Variants in LARP7 observed in about 807,000 individuals in gnomAD.
LARP7 encodes La ribonucleoprotein 7, transcriptional regulator.
LARP7 carries 52 observed loss-of-function variants against 69.3 expected under a neutral mutation model. The observed-to-expected ratio is 0.75, with a 90% confidence interval of 0.60 to 0.95. The LOEUF (loss-of-function observed/expected upper bound fraction) is 0.95, where lower values mean the gene tolerates loss of function less well. LARP7 is among the 40% of genes least tolerant of loss of function. The pLI is 0.00. For synonymous variants in LARP7, 254 were observed against 215.9 expected, an observed-to-expected ratio of 1.18 and a Z score of -1.55; for missense variants, 733 against 673.0, an observed-to-expected ratio of 1.09 and a Z score of -0.99.
intron 1 of LARP7, among the ~76,000 whole-genome samples, chr4:112,642,782 A>G (rs78230454): frequency 0.086 from 13,084 of 152,276 alleles, 747 homozygotes; most frequent in East Asian, 0.23. Context: ...TATTTAGGAC[A>G]CTTTGACACG....
chr4:112,653,176 G>C lies in LARP7; in HGVS notation c.1516G>C (p.Val506Leu). ...RFKTPEDAQAVINAYTEINKK... is the reference protein window; with the variant it reads ...RFKTPEDAQALINAYTEINKK... ...TAAAACTCCTGAGGATGCTCAAGCA[G>C]TAATAAATGCCTATACAGAAATTAA... The change falls in exon 11 of 13, where the codon GTA becomes CTA. Residue 506 changes from valine (V) to leucine (L), a missense_variant. Val to Leu is a conservative substitution (Grantham distance 32). Coordinates refer to ENST00000344442, the MANE Select transcript of LARP7 (RefSeq NM_016648.4). 1.2e-6 allele frequency: 2 copies of C among 1,609,324 alleles called. No individual in the cohort carries two copies. The highest frequency in any genetic ancestry group is 1.7e-6 in the Non-Finnish European group (2 of 1,177,838).
At chr4:112,648,346 G>T (rs185886239) in intron 8 of LARP7, 6 of 533,550 alleles carry the variant, frequency 1.1e-5, no homozygotes, top group African/African-American at 5.8e-5. Context: ...AACAAAAGGT[G>T]TGCTGGCTTG....
Position 112,649,647 on chromosome 4 carries a change from A to C in LARP7, c.1255A>C (p.Ser419Arg). The change falls in exon 9 of 13, where the codon AGT (serine) becomes CGT (arginine). Residue 419 changes from serine to arginine, a missense_variant. Coordinates refer to ENST00000344442, the MANE Select transcript of LARP7 (RefSeq NM_016648.4). ...IKSESEMETD[S>R]GVPQNTGMKN... Reference sequence around the variant, plus strand: ...ATCAGAGTCAGAAATGGAAACAGACAGTGGAGTACCTCAAAACACTGGAAT... The same window carrying C: ...ATCAGAGTCAGAAATGGAAACAGACCGTGGAGTACCTCAAAACACTGGAAT... 1 of 1,608,034 alleles carries C rather than the reference A, an allele frequency of 6.2e-7. No homozygotes were observed. The highest frequency in any genetic ancestry group is 8.5e-7 in the Non-Finnish European group (1 of 1,177,378).
At chr4:112,645,561 A>G (rs1325021984) in intron 2 of LARP7, 2 of 456,068 alleles carry the variant, frequency 4.4e-6, no homozygotes, top group Non-Finnish European at 8.8e-6. Flanking sequence ...GCAGGAATGC[A>G]CTGGCTCCAT....
chr4:112,648,511 AC>A (rs770624774), intron 8 of LARP7: 2 of 534,376 alleles, frequency 3.7e-6, no homozygotes, highest in Non-Finnish European at 7.7e-6. Flanking sequence ...GGAAGCACTT[AC>A]TTTTAAAGTC....
intron 1 of LARP7, 129 bp from the exon 2 acceptor site, chr4:112,644,537 TTC>T: frequency 9.5e-7 from 1 of 1,057,576 alleles, no homozygotes; most frequent in Non-Finnish European, 1.3e-6. Flanking sequence ...TGAATGTTCT[TTC>T]TGTTTGTCTT....
At chr4:112,648,270 A>T (rs1442933894) in intron 8 of LARP7, 1 of 529,022 alleles carries the variant, frequency 1.9e-6, no homozygotes, top group Non-Finnish European at 3.9e-6. Context: ...GTCTTGGAAA[A>T]AGTTAGAATC....
rs1322464297 is a variant in LARP7 at position 112,649,687 on chromosome 4, G to T, written c.1294+1G>T. 6.3e-7 allele frequency: 1 copy of T among 1,582,264 alleles called. No individual in the cohort carries two copies. ...AACACTGGAATGAAAAATGAAAAAA[G>T]TAAAGATCACTGATAGTTTTGACAA... On this transcript the variant is annotated splice_donor_variant, in intron 9 of 12. Transcript: ENST00000344442. LOFTEE classifies it high-confidence loss of function.
chr4:112,646,511 C>G (rs1044150303), intron 3 of LARP7, 60 bp downstream of exon 3: 2 of 1,260,744 alleles, frequency 1.6e-6, no homozygotes, highest in African/African-American at 1.5e-5. Context: ...AGAATGTTAA[C>G]GTAATGATTA....
chr4:112,643,498 G>A (rs375016757), intron 1 of LARP7, among the ~76,000 whole-genome samples: 100 of 152,274 alleles, frequency 6.6e-4, no homozygotes, highest in African/African-American at 2.3e-3. Flanking sequence ...GAGGAAGGAG[G>A]GGGTTAGAAA....
intron 10 of LARP7, among the ~76,000 whole-genome samples, chr4:112,652,594 G>A (rs2048795676): frequency 6.6e-6 from 1 of 151,838 alleles, no homozygotes; most frequent in African/African-American, 2.4e-5. Context: ...TTTAGGTTTG[G>A]TTAAACTGTT....
At chr4:112,650,327 G>C (rs1578628004) in intron 9 of LARP7, 134 bp from the exon 10 acceptor site, 1 of 827,048 alleles carries the variant, frequency 1.2e-6, no homozygotes, top group East Asian at 2.8e-5. Flanking sequence ...ACCTTTAATT[G>C]TTTACTTTAA....
chr4:112,653,359 G>GA, intron 11 of LARP7, 123 bp downstream of exon 11: 1 of 669,710 alleles, frequency 1.5e-6, no homozygotes, highest in Non-Finnish European at 2.3e-6. Context: ...GCTCAGGCTG[G>GA]AGTACAGTGG....
intron 2 of LARP7, among the ~76,000 whole-genome samples, 177 bp from the exon 3 acceptor site, chr4:112,646,174 T>C (rs2048216751): frequency 6.6e-6 from 1 of 151,696 alleles, no homozygotes; most frequent in Admixed American, 6.6e-5. Context: ...AGATGGGGTT[T>C]CACTATGTTG....
In LARP7 at chr4:112,646,388, GA is replaced by G. The variant is rs1318486735; in HGVS notation, c.246del (p.Lys82AsnfsTer2). ...CACTACTTGTGTCTTTTAACAAAAT[GA>G]AAAAATTGACTACTGATGGGAAGTT... ...ISLLVSFNKM[K>X]KLTTDGKLIA... On this transcript the variant is annotated frameshift_variant, in exon 3 of 13. Transcript: ENST00000344442. LOFTEE classifies it high-confidence loss of function. 1.9e-6 allele frequency: 3 copies of G among 1,598,960 alleles called. No individual in the cohort carries two copies. Among genetic ancestry groups the G allele is most frequent in the Non-Finnish European group, 2.6e-6 (3 of 1,168,216 alleles).
At chr4:112,648,011 C>G (rs1357259368) in intron 8 of LARP7, 177 bp downstream of exon 8, 1 of 699,180 alleles carries the variant, frequency 1.4e-6, no homozygotes, top group Non-Finnish European at 2.7e-6. Context: ...CCACCACACT[C>G]AAACATGGAA....
intron 8 of LARP7, chr4:112,648,327 A>G: frequency 1.9e-6 from 1 of 529,452 alleles, no homozygotes; most frequent in South Asian, 1.4e-5. Flanking sequence ...AATAACAAAA[A>G]AATTTTGTAA....
Position 112,646,895 on chromosome 4 carries a change from T to C in LARP7, c.492T>C (p.Asp164=). Residue 164 remains aspartate, a synonymous_variant, in exon 5 of 13, where the codon GAT becomes GAC. Transcript: ENST00000344442. Reference sequence around the variant, plus strand: ...TACCACATTATAAGTCTACTGGAGATCCAAAGGGATTTGCGTTTGTGGAAT... The same window carrying C: ...TACCACATTATAAGTCTACTGGAGACCCAAAGGGATTTGCGTTTGTGGAAT... ...ISIPHYKSTG[D]PKGFAFVEFE... 6.2e-7 allele frequency: 1 copy of C among 1,609,638 alleles called. No homozygotes were observed. Among genetic ancestry groups the C allele is most frequent in the South Asian group, 1.1e-5 (1 of 90,094 alleles).
intron 8 of LARP7, among the ~76,000 whole-genome samples, chr4:112,649,201 G>A (rs1054296400): frequency 6.6e-6 from 1 of 151,884 alleles, no homozygotes; most frequent in Non-Finnish European, 1.5e-5. Flanking sequence ...CTTTAATCTC[G>A]CCCTTTTCCC....
Sources: gnomAD v4.1 joint callset for allele counts (sites outside exome capture counted in the v4.1 genomes callset) on GRCh38, gnomAD v4.1.1 for gene constraint, MANE v1.5 for transcripts, NCBI Gene and HGNC (gene_info 2026-07-23, HGNC 2026-07-21) for gene names.